Variants in KCNH7 observed in about 807,000 individuals in gnomAD.
The protein encoded by KCNH7 is potassium voltage-gated channel subfamily H member 7.
Under a neutral mutation model 120.8 loss-of-function variants are expected in KCNH7, and 49 were observed. The observed-to-expected ratio is 0.41, with a 90% confidence interval of 0.32 to 0.51. The LOEUF is 0.51. Ranked by LOEUF, KCNH7 falls within the 20% of genes least tolerant of loss-of-function variation. The pLI is 0.38. For missense variants in KCNH7, 1,097 were observed against 1,446.6 expected, an observed-to-expected ratio of 0.76 and a Z score of 3.92; for synonymous variants, 547 against 516.1, an observed-to-expected ratio of 1.06 and a Z score of -0.81.
chr2:162,487,023 G>A (rs1360702204), intron 6 of KCNH7, among the ~76,000 whole-genome samples: 4 of 152,158 alleles, frequency 2.6e-5, no homozygotes, highest in Non-Finnish European at 4.4e-5. Flanking sequence ...CTCTGGCCTA[G>A]GTAAGTTCTC....
intron 2 of KCNH7, among the ~76,000 whole-genome samples, chr2:162,771,388 T>G (rs1683049476): frequency 6.6e-6 from 1 of 152,144 alleles, no homozygotes. Flanking sequence ...TTCCCTCCTT[T>G]GTGTAGGTTT....
chr2:162,565,861 T>C (rs1269838746), intron 2 of KCNH7, among the ~76,000 whole-genome samples: 1 of 152,074 alleles, frequency 6.6e-6, no homozygotes, highest in Non-Finnish European at 1.5e-5. Context: ...AACTTTACTT[T>C]GAAGTATGTG....
chr2:162,372,999 G>T lies in KCNH7; in HGVS notation c.3324+471C>A, dbSNP rs150087400. On this transcript the variant is annotated intron_variant, in intron 15 of 15. Coordinates refer to ENST00000332142, the MANE Select transcript of KCNH7 (RefSeq NM_033272.4). ...TAGTCTGATGGCATTTGAACCTCAG[G>T]TCTAATCTGGCCAGCCTACTATTTC... Among the ~76,000 whole-genome samples, 10 of 152,202 alleles carry T rather than the reference G, an allele frequency of 6.6e-5. No individual in the cohort carries two copies. In the East Asian group the frequency reaches 1.9e-3, roughly 29 times the overall value.
intron 2 of KCNH7, among the ~76,000 whole-genome samples, chr2:162,622,103 G>C (rs768719564): frequency 5.9e-5 from 9 of 152,102 alleles, no homozygotes; most frequent in Non-Finnish European, 7.4e-5. Context: ...CTGCAGAAAG[G>C]CTTAAATTAA....
intron 2 of KCNH7, among the ~76,000 whole-genome samples, chr2:162,804,812 G>T (rs1355954267): frequency 1.4e-5 from 2 of 143,972 alleles, no homozygotes; most frequent in East Asian, 4.0e-4. Context: ...TAAGCAAAAA[G>T]AACACATCTG....
intron 2 of KCNH7, among the ~76,000 whole-genome samples, chr2:162,727,475 G>A (rs1408599550): frequency 1.3e-5 from 2 of 151,970 alleles, no homozygotes; most frequent in African/African-American, 4.8e-5. Flanking sequence ...TCTTTTTGTA[G>A]TTGATCTTCG....
chr2:162,533,364 G>A (rs1393087792), intron 3 of KCNH7, among the ~76,000 whole-genome samples: 3 of 151,618 alleles, frequency 2.0e-5, no homozygotes, highest in South Asian at 2.1e-4. Context: ...ATCAATTAAC[G>A]TAGAAGTATC....
chr2:162,488,219 C>A (rs1690167273), intron 6 of KCNH7, among the ~76,000 whole-genome samples: 1 of 152,186 alleles, frequency 6.6e-6, no homozygotes, highest in Admixed American at 6.5e-5. Context: ...GGTACTCAAG[C>A]CAAGTTAAAT....
intron 2 of KCNH7, among the ~76,000 whole-genome samples, chr2:162,573,994 T>C (rs1693581208): frequency 6.6e-6 from 1 of 152,094 alleles, no homozygotes. Flanking sequence ...TGAATCATAA[T>C]TCTTAATTTA....
At chr2:162,537,347 C>T (rs1476689273) in intron 2 of KCNH7, among the ~76,000 whole-genome samples, 1 of 151,876 alleles carries the variant, frequency 6.6e-6, no homozygotes, top group East Asian at 1.9e-4. Context: ...GCTTTCACAC[C>T]CATCCCTATA....
chr2:162,782,744 A>C (rs1052283339), intron 2 of KCNH7, among the ~76,000 whole-genome samples: 1 of 152,222 alleles, frequency 6.6e-6, no homozygotes. Context: ...AAATAAAGTT[A>C]AATAGCTTCA....
At chr2:162,613,296 A>G (rs201993843) in intron 2 of KCNH7, among the ~76,000 whole-genome samples, 12 of 152,072 alleles carry the variant, frequency 7.9e-5, no homozygotes, top group East Asian at 1.9e-4. Context: ...GATAGCATCA[A>G]TAGAAGTCAG....
chr2:162,482,161 G>A (rs1336121039), intron 6 of KCNH7, among the ~76,000 whole-genome samples: 1 of 152,128 alleles, frequency 6.6e-6, no homozygotes, highest in Admixed American at 6.6e-5. Flanking sequence ...AGTGCAAGCT[G>A]GGGAGCCTAT....
At chr2:162,415,010 A>G (rs1329977542) in intron 9 of KCNH7, among the ~76,000 whole-genome samples, 1 of 152,070 alleles carries the variant, frequency 6.6e-6, no homozygotes, top group African/African-American at 2.4e-5. Flanking sequence ...TAACAATGCC[A>G]TATGCTGGAT....
intron 2 of KCNH7, among the ~76,000 whole-genome samples, chr2:162,750,729 ATTGTGT>A (rs1345007094): frequency 6.6e-6 from 1 of 152,126 alleles, no homozygotes; most frequent in Non-Finnish European, 1.5e-5. Flanking sequence ...AAGTATTTAA[ATTGTGT>A]TTGACAGGTT....
intron 2 of KCNH7, among the ~76,000 whole-genome samples, chr2:162,809,245 C>A (rs977737182): frequency 6.6e-6 from 1 of 152,190 alleles, no homozygotes; most frequent in South Asian, 2.1e-4. Context: ...ACTGTCCCCA[C>A]ACTTTTCTTG....
At chr2:162,590,509 G>A (rs1232002458) in intron 2 of KCNH7, among the ~76,000 whole-genome samples, 2 of 152,156 alleles carry the variant, frequency 1.3e-5, no homozygotes, top group Non-Finnish European at 2.9e-5. Flanking sequence ...AGGTGACACA[G>A]AGCATATCAC....
intron 2 of KCNH7, among the ~76,000 whole-genome samples, chr2:162,698,370 TTTCTC>T (rs1369526393): frequency 6.6e-6 from 1 of 152,090 alleles, no homozygotes; most frequent in African/African-American, 2.4e-5. Context: ...CTGTGACTCT[TTTCTC>T]TGGGTCAGTG....
chr2:162,612,203 G>T (rs2105973434), intron 2 of KCNH7, among the ~76,000 whole-genome samples: 1 of 152,170 alleles, frequency 6.6e-6, no homozygotes, highest in East Asian at 1.9e-4. Flanking sequence ...AGAAGGAAAG[G>T]TGATGTAGGC....
Sources: gnomAD v4.1 joint callset for allele counts (sites outside exome capture counted in the v4.1 genomes callset) on GRCh38, gnomAD v4.1.1 for gene constraint, MANE v1.5 for transcripts, NCBI Gene and HGNC (gene_info 2026-07-23, HGNC 2026-07-21) for gene names.